The following PLEKHA1 variants were observed in gnomAD, a reference collection of about 807,000 sequenced individuals.
The protein encoded by PLEKHA1 is pleckstrin homology domain-containing family A member 1.
PLEKHA1 carries 34 observed loss-of-function variants against 52.0 expected under a neutral mutation model. The ratio of observed to expected loss-of-function variants is 0.65; its 90% CI spans 0.50 to 0.87. The LOEUF is 0.87. Ranked by LOEUF, PLEKHA1 falls within the 40% of genes least tolerant of loss-of-function variation. The probability of loss-of-function intolerance (pLI) is 0.00; values close to 1 mark genes in which losing one functional copy is unlikely to be tolerated. For missense variants in PLEKHA1, 497 were observed against 504.2 expected (o/e 0.99, Z 0.14); for synonymous variants, 163 against 170.7 (o/e 0.95, Z 0.35).
intron 3 of PLEKHA1, among the ~76,000 whole-genome samples, chr10:122,399,768 G>C (rs574080941): frequency 5.7e-4 from 86 of 152,018 alleles, no homozygotes; most frequent in Non-Finnish European, 1.1e-3. Flanking sequence ...TGTATTTTTA[G>C]TAGAGACGGG....
At chr10:122,434,555 C>T (rs1414423554), downstream of PLEKHA1, 6 of 151,934 alleles carry the variant, frequency 3.9e-5, no homozygotes, top group Admixed American at 2.0e-4. Context: ...ACTGATGCAA[C>T]TTTTTTTCCT....
chr10:122,378,335 C>G (rs747939849), intron 1 of PLEKHA1, among the ~76,000 whole-genome samples: 2 of 152,200 alleles, frequency 1.3e-5, no homozygotes, highest in Non-Finnish European at 2.9e-5. Flanking sequence ...TTAATTTTCA[C>G]TATTCACTGC....
intron 3 of PLEKHA1, among the ~76,000 whole-genome samples, chr10:122,398,495 A>T (rs1049300511): frequency 2.0e-5 from 3 of 150,674 alleles, no homozygotes; most frequent in Non-Finnish European, 4.4e-5. Context: ...TTTATTTTTT[A>T]AAATTTTGAT....
chr10:122,400,330 T>A lies in PLEKHA1; in HGVS notation c.199-13T>A. On this transcript the variant is annotated splice_polypyrimidine_tract_variant and intron_variant, in intron 3 of 11. Coordinates refer to ENST00000368990, the MANE Select transcript of PLEKHA1 (RefSeq NM_001001974.4). ...TGGAGAAGTGAGGAACCCGTCTCTA[T>A]TTTTCTTTTTAGGTTAGCGATGCTA... 3.8e-6 allele frequency: 6 copies of A among 1,596,780 alleles called. No individual in the cohort carries two copies. The highest frequency in any genetic ancestry group is 5.1e-6 in the Non-Finnish European group (6 of 1,174,222).
At chr10:122,424,392 G>T in intron 9 of PLEKHA1, 129 bp downstream of exon 9, 1 of 1,040,240 alleles carries the variant, frequency 9.6e-7, no homozygotes, top group South Asian at 2.7e-5. Context: ...CTTTATAGTT[G>T]AGATACACTA....
At position 122,429,999 on chromosome 10, in the gene PLEKHA1, TAGCCAAAGA is replaced by T; in HGVS notation, c.*62_*70del. On this transcript the variant is annotated 3_prime_UTR_variant, in exon 12 of 12. Coordinates refer to ENST00000368990, the MANE Select transcript of PLEKHA1 (RefSeq NM_001001974.4). ...CCTCAGTTTCCTTTCATGAGGCTTCTAGCCAAAGATGATAAAGGGGGAAATGGTTTTTAG... is the reference window on the plus strand; with the variant it reads ...CCTCAGTTTCCTTTCATGAGGCTTCTTGATAAAGGGGGAAATGGTTTTTAG... The T allele has an allele frequency of 6.6e-7, 1 of 1,512,752 alleles. No homozygotes were observed. Among genetic ancestry groups the T allele is most frequent in the Non-Finnish European group, 8.9e-7 (1 of 1,122,638 alleles). The allele number at this position is 1,512,752 out of a possible 1,614,324, so 93.7% of individuals were successfully genotyped here.
chr10:122,440,540 G>C, the PLEKHA1 span: 2 of 152,178 alleles, frequency 1.3e-5, no homozygotes, highest in African/African-American at 4.8e-5. Flanking sequence ...TGTTGGAATT[G>C]CTTTCTCATC....
intron 1 of PLEKHA1, among the ~76,000 whole-genome samples, chr10:122,380,568 A>ATGG (rs1203780977): frequency 1.3e-5 from 2 of 152,158 alleles, no homozygotes; most frequent in African/African-American, 4.8e-5. Flanking sequence ...GGCCAAATGA[A>ATGG]TGAGTAAGGT....
At chr10:122,432,718 A>C (rs2097424121), downstream of PLEKHA1, 1 of 152,236 alleles carries the variant, frequency 6.6e-6, no homozygotes, top group East Asian at 1.9e-4. Context: ...AGCAGAGGGC[A>C]TCTTAATCTC....
At chr10:122,424,178 T>TTTTG in intron 8 of PLEKHA1, 21 bp from the exon 9 acceptor site, 1 of 1,421,436 alleles carries the variant, frequency 7.0e-7, no homozygotes, top group East Asian at 2.6e-5. Context: ...ACTGTTTTTT[T>TTTTG]TTTTTTTTTT....
intron 8 of PLEKHA1, 150 bp downstream of exon 8, chr10:122,418,118 G>T: frequency 5.9e-6 from 3 of 510,492 alleles, no homozygotes; most frequent in Admixed American, 3.6e-5. Flanking sequence ...TGATGCTTTT[G>T]GTTAATGATA....
rs112139584 is a variant in PLEKHA1 at position 122,410,926 on chromosome 10, A to G, written c.343-1994A>G. The stretch of plus-strand genomic sequence containing the variant: ...TCTGGTTTCAGGTTCTCTTAATGCT[A>G]GTTGCTGTTCTTCTCAATGAGATAA... On this transcript the variant is annotated intron_variant, in intron 5 of 11. Coordinates refer to ENST00000368990, the MANE Select transcript of PLEKHA1 (RefSeq NM_001001974.4). 6.3e-3 allele frequency among the ~76,000 whole-genome samples: 953 copies of G among 152,174 alleles called. 11 individuals carry two copies. Among genetic ancestry groups the G allele is most frequent in the African/African-American group, 0.021 (887 of 41,518 alleles).
At chr10:122,376,498 G>A (rs1590152780) in intron 1 of PLEKHA1, among the ~76,000 whole-genome samples, 1 of 40,670 alleles carries the variant, frequency 2.5e-5, no homozygotes, top group African/African-American at 1.1e-4. Context: ...GTGACATTAA[G>A]AAGATATATA....
chr10:122,424,789 G>A lies in PLEKHA1; in HGVS notation c.747-107G>A, dbSNP rs2097313528. ...GATAATTTGGGTTTGCTAAATCAGT[G>A]CTTTACCTCATTTATTTATTGACGC... On this transcript the variant is annotated intron_variant, in intron 9 of 11. Transcript: ENST00000368990. 3 of 748,508 alleles carry A rather than the reference G, an allele frequency of 4.0e-6. No individual in the cohort carries two copies. In the Admixed American group the frequency reaches 8.6e-5, roughly 21 times the overall value. The allele number at this position is 748,508 out of a possible 1,614,324, so 46.4% of individuals were successfully genotyped here. A position where few individuals can be genotyped will look rare whatever the true frequency, so the allele number is the denominator to read the frequency against.
In PLEKHA1 at chr10:122,415,967, A is replaced by G; in HGVS notation, c.577A>G (p.Ile193Val). 6.2e-7 allele frequency: 1 copy of G among 1,613,510 alleles called. No homozygotes were observed. Among genetic ancestry groups the G allele is most frequent in the Non-Finnish European group, 8.5e-7 (1 of 1,179,664 alleles). Residue 193 changes from isoleucine (I) to valine (V), a missense_variant, in exon 7 of 12, where the codon ATC (isoleucine) becomes GTC (valine). Coordinates refer to ENST00000368990, the MANE Select transcript of PLEKHA1 (RefSeq NM_001001974.4). ...TPKPPQDSAVIKAGYCVKQGA... is the reference protein window; with the variant it reads ...TPKPPQDSAVVKAGYCVKQGA... ...TAAACCACCTCAAGATAGTGCGGTT[A>G]TCAAAGCTGGATATTGTGTAAAACA...
chr10:122,398,032 A>T lies in PLEKHA1; in HGVS notation c.198+58A>T, dbSNP rs2096874636. The T allele has an allele frequency of 2.9e-6, 4 of 1,400,350 alleles. No individual in the cohort carries two copies. The East Asian group carries it at 9.2e-5, about 32-fold the overall frequency. 86.7% of individuals were successfully genotyped at this position (1,400,350 alleles called of 1,614,324 possible). On this transcript the variant is annotated intron_variant, in intron 3 of 11. Transcript: ENST00000368990. Reference sequence around the variant, plus strand: ...AATTAAAATCCCTGTGAATGAGAGTATGAATAGAAGCAGCAGTTTCCTTTC... The same window carrying T: ...AATTAAAATCCCTGTGAATGAGAGTTTGAATAGAAGCAGCAGTTTCCTTTC...
At chr10:122,413,723 G>A (rs983089095) in intron 6 of PLEKHA1, among the ~76,000 whole-genome samples, 59 of 152,008 alleles carry the variant, frequency 3.9e-4, no homozygotes, top group Non-Finnish European at 1.5e-4. Context: ...TCTTGTCTGA[G>A]CTTGAATTTC....
chr10:122,434,201 T>G (rs539626633), downstream of PLEKHA1: 1 of 152,342 alleles, frequency 6.6e-6, no homozygotes, highest in Admixed American at 6.5e-5. Flanking sequence ...TCCAAATATG[T>G]AGCTGTGTTT....
chr10:122,406,535 A>C (rs770167119), intron 4 of PLEKHA1, 41 bp from the exon 5 acceptor site: 2 of 1,480,508 alleles, frequency 1.4e-6, no homozygotes, highest in East Asian at 2.3e-5. Flanking sequence ...TTTAGAGGTA[A>C]TAAGTACAAT....
Sources: allele counts gnomAD v4.1 joint callset (sites outside exome capture counted in the v4.1 genomes callset), GRCh38; gene constraint gnomAD v4.1.1; transcripts MANE v1.5; gene names NCBI Gene and HGNC (gene_info 2026-07-23, HGNC 2026-07-21).